ANGPTL7: variants seen among roughly 807,000 people sequenced by gnomAD.
ANGPTL7 encodes angiopoietin like 7.
ANGPTL7 carries 37 observed loss-of-function variants against 38.8 expected under a neutral mutation model. The observed-to-expected ratio is 0.95, with a 90% CI of 0.73 to 1.25. The LOEUF (loss-of-function observed/expected upper bound fraction) is 1.25. Ranked by LOEUF, ANGPTL7 falls within the 50% of genes most tolerant of loss-of-function variation. ANGPTL7 has a pLI of 0.00. For synonymous variants in ANGPTL7, 166 were observed against 163.2 expected (o/e 1.02, Z -0.13); for missense variants, 427 against 438.6 (o/e 0.97, Z 0.24).
chr1:11,193,908 G>A, intron 3 of ANGPTL7, 134 bp downstream of exon 3: 1 of 1,023,760 alleles, frequency 9.8e-7, no homozygotes, highest in South Asian at 1.7e-5. Flanking sequence ...CCTGCAAGTT[G>A]TAATGGAGTT....
chr1:11,195,810 T>C lies in ANGPTL7; in HGVS notation c.*787T>C, dbSNP rs1267826727. On this transcript the variant is annotated 3_prime_UTR_variant, in exon 5 of 5. Transcript: ENST00000376819. ...TTGTAAGAAACAAGCTCAAGGAGCT[T>C]CCTTTTAAATTTTGTCTGTAGGAAA... 2 of 152,480 alleles carry C rather than the reference T, an allele frequency of 1.3e-5. No homozygotes were observed. Among genetic ancestry groups the C allele is most frequent in the Non-Finnish European group, 2.9e-5 (2 of 68,034 alleles). The allele number at this position is 152,480 out of a possible 1,614,324, so 9.4% of individuals were successfully genotyped here. A position where few individuals can be genotyped will look rare whatever the true frequency, so the allele number is the denominator to read the frequency against.
At chr1:11,193,291 C>T (rs145043259) in intron 2 of ANGPTL7, among the ~76,000 whole-genome samples, 143 of 151,376 alleles carry the variant, frequency 9.4e-4, no homozygotes, top group African/African-American at 3.3e-3. Flanking sequence ...GCCTGGGCAA[C>T]AAGAGTGAAA....
At position 11,193,752 on chromosome 1, in the gene ANGPTL7, C is replaced by T. The variant is rs1645655372; in HGVS notation, c.650C>T (p.Thr217Ile). The T allele has an allele frequency of 5.0e-6, 8 of 1,614,050 alleles. No homozygotes were observed. The highest frequency in any genetic ancestry group is 6.8e-6 in the Non-Finnish European group (8 of 1,180,038). The change falls in exon 3 of 5, where the codon ACC becomes ATC. Residue 217 changes from threonine to isoleucine, a missense_variant. Thr to Ile is a moderately conservative substitution (Grantham distance 89). Coordinates refer to ENST00000376819, the MANE Select transcript of ANGPTL7 (RefSeq NM_021146.4). ...EHIHRLSRQP[T>I]RLRVEMEDWE... ...ATCCACCGGCTCTCCAGACAGCCAA[C>T]CCGGCTGCGTGTAGAGATGGAGGTA... is the stretch of plus-strand genomic sequence containing the variant.
At position 11,189,857 on chromosome 1, in the gene ANGPTL7, C is replaced by A; in HGVS notation, c.278C>A (p.Ser93Ter). 1 of 1,614,148 alleles carries A rather than the reference C, an allele frequency of 6.2e-7. No homozygotes were observed. The highest frequency in any genetic ancestry group is 8.5e-7 in the Non-Finnish European group (1 of 1,180,036). Residue 93 changes from serine to a stop codon, truncating the protein, a stop_gained, in exon 1 of 5, where the codon TCG becomes TAG. Transcript: ENST00000376819. LOFTEE classifies it high-confidence loss of function. The stretch of plus-strand genomic sequence containing the variant: ...GAGAGCAACAGCAAGCGCATGGAGT[C>A]GCGGCTCACAGATGCTGAGAGCAAG... The part of the protein sequence containing the change: ...ELESNSKRME[S>*]RLTDAESKYS...
intron 2 of ANGPTL7, among the ~76,000 whole-genome samples, chr1:11,192,929 C>T (rs1259442258): frequency 2.0e-5 from 3 of 152,110 alleles, no homozygotes; most frequent in Non-Finnish European, 4.4e-5. Context: ...CTTATAACCA[C>T]CACATAACTT....
In ANGPTL7 at chr1:11,193,793, G is replaced by A. The variant is rs1645658605; in HGVS notation, c.672+19G>A. ...GATGGAGGTAAGCACAAGGCCAGGG[G>A]CCCCATGACTGGACCAGTGCCACCA... is the stretch of plus-strand genomic sequence containing the variant. On this transcript the variant is annotated intron_variant, in intron 3 of 4. Transcript: ENST00000376819. 1.2e-6 allele frequency: 2 copies of A among 1,613,264 alleles called. No homozygotes were observed. The highest frequency in any genetic ancestry group is 1.7e-6 in the Non-Finnish European group (2 of 1,179,706).
intron 1 of ANGPTL7, among the ~76,000 whole-genome samples, chr1:11,191,677 C>T (rs1645536380): frequency 6.6e-6 from 1 of 152,150 alleles, no homozygotes; most frequent in African/African-American, 2.4e-5. Context: ...ATTGTTTTAA[C>T]AAAACTTCTG....
chr1:11,194,629 T>G lies in ANGPTL7; in HGVS notation c.841T>G (p.Cys281Gly). The G allele has an allele frequency of 6.2e-7, 1 of 1,614,162 alleles. No individual in the cohort carries two copies. The highest frequency in any genetic ancestry group is 8.5e-7 in the Non-Finnish European group (1 of 1,180,022). The change falls in exon 4 of 5, where the codon TGC becomes GGC. Residue 281 changes from cysteine (C) to glycine (G), a missense_variant. Coordinates refer to ENST00000376819, the MANE Select transcript of ANGPTL7 (RefSeq NM_021146.4). Reference sequence around the variant, plus strand: ...CACCAAGGACAAGGACAATGACAACTGCTTGGACAAGTGTGCACAGCTCCG... The same window carrying G: ...CACCAAGGACAAGGACAATGACAACGGCTTGGACAAGTGTGCACAGCTCCG... Reference protein sequence around the residue: ...FSTKDKDNDNCLDKCAQLRKG... With the variant: ...FSTKDKDNDNGLDKCAQLRKG...
In ANGPTL7 at chr1:11,195,978, G is replaced by A. The variant is rs1306173055; in HGVS notation, c.*955G>A. Reference sequence around the variant, plus strand: ...CTTCTACAATAAACACTTTCAAAATGTGAGTATCTTCTTTTTAAATTCTTA... The same window carrying A: ...CTTCTACAATAAACACTTTCAAAATATGAGTATCTTCTTTTTAAATTCTTA... On this transcript the variant is annotated 3_prime_UTR_variant, in exon 5 of 5. Transcript: ENST00000376819. The A allele has an allele frequency of 6.6e-6, 1 of 151,404 alleles. No individual in the cohort carries two copies. The highest frequency in any genetic ancestry group is 1.5e-5 in the Non-Finnish European group (1 of 67,452). The allele number at this position is 151,404 out of a possible 1,614,324, so 9.4% of individuals were successfully genotyped here. A position where few individuals can be genotyped will look rare whatever the true frequency, so the allele number is the denominator to read the frequency against.
intron 2 of ANGPTL7, 78 bp downstream of exon 2, chr1:11,192,448 T>C: frequency 8.0e-7 from 1 of 1,256,206 alleles, no homozygotes; most frequent in Non-Finnish European, 1.2e-6. Context: ...AACAGGGCCA[T>C]TCACAGTTTA....
Position 11,195,165 on chromosome 1 carries a change from G to A in ANGPTL7, c.*142G>A. ...CTCCAAAGAAAGAATAAGTCTCCAA[G>A]GAGCACAAAAAAATCATATGTACCA... On this transcript the variant is annotated 3_prime_UTR_variant, in exon 5 of 5. Coordinates refer to ENST00000376819, the MANE Select transcript of ANGPTL7 (RefSeq NM_021146.4). 1.0e-6 allele frequency: 1 copy of A among 953,856 alleles called. No homozygotes were observed. Among genetic ancestry groups the A allele is most frequent in the Non-Finnish European group, 1.5e-6 (1 of 651,490 alleles). 59.1% of individuals were successfully genotyped at this position (953,856 alleles called of 1,614,324 possible).
intron 1 of ANGPTL7, among the ~76,000 whole-genome samples, chr1:11,190,380 G>A (rs1241450741): frequency 1.3e-5 from 2 of 152,182 alleles, no homozygotes; most frequent in Non-Finnish European, 2.9e-5. Flanking sequence ...GTTCTCTGGT[G>A]TTCCTAAGAT....
intron 1 of ANGPTL7, among the ~76,000 whole-genome samples, chr1:11,191,145 TCA>T (rs1160538605): frequency 6.6e-6 from 1 of 152,212 alleles, no homozygotes; most frequent in Non-Finnish European, 1.5e-5. Flanking sequence ...GGAGGCTTTC[TCA>T]CCATCCTGCA....
At position 11,192,378 on chromosome 1, in the gene ANGPTL7, C is replaced by G. The variant is rs1388754173; in HGVS notation, c.477+8C>G. ...GGCAGCCCTGAACTGGAGGTGAGGT[C>G]ATTACAGTCACTGGCCATGCCCTAA... On this transcript the variant is annotated splice_region_variant and intron_variant, in intron 2 of 4. Coordinates refer to ENST00000376819, the MANE Select transcript of ANGPTL7 (RefSeq NM_021146.4). 1 of 1,597,624 alleles carries G rather than the reference C, an allele frequency of 6.3e-7. No homozygotes were observed. Among genetic ancestry groups the G allele is most frequent in the Admixed American group, 1.7e-5 (1 of 60,004 alleles).
rs1040539674 is a variant in ANGPTL7, at chr1:11,189,735, C to T, written c.156C>T (p.Leu52=). 8.1e-6 allele frequency: 13 copies of T among 1,614,038 alleles called. No homozygotes were observed. Among genetic ancestry groups the T allele is most frequent in the Admixed American group, 1.7e-5 (1 of 60,014 alleles). ...AANCCEEVKE[L]KAQVANLSSL... ...ACTGCTGTGAGGAGGTGAAGGAGCT[C>T]AAGGCCCAAGTTGCCAACCTTAGCA... is the stretch of plus-strand genomic sequence containing the variant. The change falls in exon 1 of 5, where the codon CTC becomes CTT. Residue 52 remains leucine (L), a synonymous_variant. Coordinates refer to ENST00000376819, the MANE Select transcript of ANGPTL7 (RefSeq NM_021146.4).
In ANGPTL7 at chr1:11,189,536, G is replaced by A; in HGVS notation, c.-44G>A. On this transcript the variant is annotated 5_prime_UTR_variant, in exon 1 of 5. Coordinates refer to ENST00000376819, the MANE Select transcript of ANGPTL7 (RefSeq NM_021146.4). ...TGCAGACCTCAGCTGGGCATCTCCA[G>A]ACTCCCCTGAAGGAAGAGCCTTCCT... 1 of 1,541,486 alleles carries A rather than the reference G, an allele frequency of 6.5e-7. No individual in the cohort carries two copies. The highest frequency in any genetic ancestry group is 2.0e-5 in the Admixed American group (1 of 49,298).
At chr1:11,191,244 T>G (rs1645519199) in intron 1 of ANGPTL7, among the ~76,000 whole-genome samples, 2 of 152,228 alleles carry the variant, frequency 1.3e-5, no homozygotes, top group Non-Finnish European at 2.9e-5. Context: ...TTCTTCTCTA[T>G]GACCAAGTGC....
At chr1:11,191,168 T>C (rs983185650) in intron 1 of ANGPTL7, among the ~76,000 whole-genome samples, 1 of 152,172 alleles carries the variant, frequency 6.6e-6, no homozygotes, top group Non-Finnish European at 1.5e-5. Context: ...AGGAGGTTCT[T>C]GGGGTCAAGT....
Position 11,192,373 on chromosome 1 carries a change from G to A in ANGPTL7, c.477+3G>A. The A allele has an allele frequency of 2.5e-6, 4 of 1,606,770 alleles. No individual in the cohort carries two copies. The highest frequency in any genetic ancestry group is 3.4e-6 in the Non-Finnish European group (4 of 1,173,566). On this transcript the variant is annotated splice_donor_region_variant and intron_variant, in intron 2 of 4. Coordinates refer to ENST00000376819, the MANE Select transcript of ANGPTL7 (RefSeq NM_021146.4). Reference sequence around the variant, plus strand: ...TCCTGGGCAGCCCTGAACTGGAGGTGAGGTCATTACAGTCACTGGCCATGC... The same window carrying A: ...TCCTGGGCAGCCCTGAACTGGAGGTAAGGTCATTACAGTCACTGGCCATGC...
Sources: allele counts gnomAD v4.1 joint callset (sites outside exome capture counted in the v4.1 genomes callset), GRCh38; gene constraint gnomAD v4.1.1; transcripts MANE v1.5; gene names NCBI Gene and HGNC (gene_info 2026-07-23, HGNC 2026-07-21).